Variants in SIGLEC15 observed in about 807,000 individuals in gnomAD.
SIGLEC15 encodes sialic acid binding Ig like lectin 15, also known as sialic acid-binding Ig-like lectin 15.
In SIGLEC15, 31 loss-of-function variants were observed where a neutral mutation model predicts 26.2. The observed-to-expected ratio is 1.18, with a 90% CI of 0.89 to 1.60. SIGLEC15 has a LOEUF of 1.60. Among genes scored for constraint, SIGLEC15 ranks in the 40% most tolerant of loss-of-function variants. The pLI is 0.00. For synonymous variants in SIGLEC15, 207 were observed against 221.9 expected (o/e 0.93, Z 0.60); for missense variants, 501 against 488.4 (o/e 1.03, Z -0.24).
rs554881390 is a variant in SIGLEC15, at chr18:45,840,226, C to T, written c.890C>T (p.Pro297Leu). The T allele has an allele frequency of 6.2e-6, 10 of 1,612,684 alleles. No individual in the cohort carries two copies. Among genetic ancestry groups the T allele is most frequent in the South Asian group, 3.3e-5 (3 of 90,822 alleles). ...CCTCCCACAGAGCATCTGGACACCC[C>T]GGACACCCCACCACGGTAAGTGAGC... is the stretch of plus-strand genomic sequence containing the variant. ...ARRRPEHLDT[P>L]DTPPRSQAQE... Residue 297 changes from proline to leucine, a missense_variant, in exon 5 of 6, where the codon CCG (proline) becomes CTG (leucine). Pro to Leu is a moderately conservative substitution (Grantham distance 98). Transcript: ENST00000389474.
intron 4 of SIGLEC15, among the ~76,000 whole-genome samples, chr18:45,839,616 T>C (rs2048308184): frequency 6.6e-6 from 1 of 152,074 alleles, no homozygotes; most frequent in South Asian, 2.1e-4. Context: ...AAGGTATGCC[T>C]CCCTCTGGTG....
At chr18:45,829,213 A>T in intron 1 of SIGLEC15, 1 of 935,672 alleles carries the variant, frequency 1.1e-6, no homozygotes, top group Non-Finnish European at 1.3e-6. Flanking sequence ...CGCCACAGTC[A>T]GCCTGCGGCA....
intron 3 of SIGLEC15, chr18:45,838,440 G>A (rs1396596852): frequency 5.9e-6 from 3 of 512,770 alleles, no homozygotes; most frequent in South Asian, 2.9e-5. Context: ...CTAGGGAGCC[G>A]GGACCTAGTC....
intron 1 of SIGLEC15, among the ~76,000 whole-genome samples, chr18:45,827,075 C>A (rs1278057100): frequency 6.6e-6 from 1 of 152,162 alleles, no homozygotes; most frequent in Non-Finnish European, 1.5e-5. Context: ...CCACCACGCC[C>A]AGCTAATTTT....
At position 45,840,361 on chromosome 18, in the gene SIGLEC15, C is replaced by T. The variant is rs932436030; in HGVS notation, c.905+120C>T. The T allele has an allele frequency of 5.9e-6, 7 of 1,177,846 alleles. No homozygotes were observed. The African/African-American group carries it at 9.2e-5, about 16-fold the overall frequency. The allele number at this position is 1,177,846 out of a possible 1,614,324, so 73.0% of individuals were successfully genotyped here. A position where few individuals can be genotyped will look rare whatever the true frequency, so the allele number is the denominator to read the frequency against. ...GGCTGGGGCTGGGGTCCTACTTTGA[C>T]CAGGGGCTGGGCCTTCCTTGCAGCC... On this transcript the variant is annotated intron_variant, in intron 5 of 5. Transcript: ENST00000389474.
chr18:45,837,947 T>C, intron 3 of SIGLEC15, 51 bp downstream of exon 3: 1 of 1,428,192 alleles, frequency 7.0e-7, no homozygotes, highest in Non-Finnish European at 9.1e-7. Context: ...CCCTCCCGCC[T>C]GCCCCGCCCC....
At chr18:45,838,047 G>T in intron 3 of SIGLEC15, 151 bp downstream of exon 3, 1 of 1,060,876 alleles carries the variant, frequency 9.4e-7, no homozygotes, top group Non-Finnish European at 1.3e-6. Context: ...TCACACCTGG[G>T]GGTAGTTTAG....
At chr18:45,837,390 A>G in intron 2 of SIGLEC15, 123 bp from the exon 3 acceptor site, 1 of 1,327,318 alleles carries the variant, frequency 7.5e-7, no homozygotes. Flanking sequence ...ACGATCCCTG[A>G]GTCCTGGGGT....
chr18:45,829,963 G>T (rs907354175), intron 1 of SIGLEC15, among the ~76,000 whole-genome samples: 1 of 152,094 alleles, frequency 6.6e-6, no homozygotes, highest in African/African-American at 2.4e-5. Context: ...ATTCCACCAC[G>T]ACTACCACGG....
chr18:45,831,745 T>TTA (rs962689901), intron 1 of SIGLEC15, among the ~76,000 whole-genome samples: 5 of 148,540 alleles, frequency 3.4e-5, no homozygotes, highest in African/African-American at 5.0e-5. Context: ...ACCAACATCT[T>TTA]TTTTTTTTTT....
chr18:45,826,979 A>G (rs1199924028), intron 1 of SIGLEC15, among the ~76,000 whole-genome samples: 1 of 152,138 alleles, frequency 6.6e-6, no homozygotes, highest in Admixed American at 6.5e-5. Context: ...CAGTGGCGCA[A>G]TCTCAGCTCA....
chr18:45,842,453 G>GAGAGAA lies in SIGLEC15; in HGVS notation c.*271_*272insAAGAGA, dbSNP rs2048333826. On this transcript the variant is annotated 3_prime_UTR_variant, in exon 6 of 6. Coordinates refer to ENST00000389474, the MANE Select transcript of SIGLEC15 (RefSeq NM_213602.3). ...TGTGTGTGTGTGTGTGAGAGAGAGA[G>GAGAGAA]AGAGAGAGTACACGCATTAGCTTGA... The GAGAGAA allele has an allele frequency of 6.3e-6, 3 of 479,180 alleles. No homozygotes were observed. The highest frequency in any genetic ancestry group is 3.9e-5 in the African/African-American group (2 of 51,802). The allele number at this position is 479,180 out of a possible 1,614,324, so 29.7% of individuals were successfully genotyped here.
intron 1 of SIGLEC15, among the ~76,000 whole-genome samples, chr18:45,826,793 G>A (rs957043056): frequency 6.6e-6 from 1 of 152,208 alleles, no homozygotes; most frequent in Admixed American, 6.5e-5. Flanking sequence ...TACTCAGACT[G>A]GAGTCCAGCT....
At chr18:45,832,798 G>A (rs148085300) in intron 1 of SIGLEC15, among the ~76,000 whole-genome samples, 26 of 152,292 alleles carry the variant, frequency 1.7e-4, no homozygotes, top group Non-Finnish European at 2.8e-4. Flanking sequence ...AGGATGCTGG[G>A]GAGCTTGTAT....
intron 1 of SIGLEC15, among the ~76,000 whole-genome samples, chr18:45,835,115 A>T (rs2048267050): frequency 6.6e-6 from 1 of 152,202 alleles, no homozygotes; most frequent in African/African-American, 2.4e-5. Context: ...AGCAGGTTGT[A>T]TGAAAAAAAG....
At chr18:45,827,717 G>A (rs1356735791) in intron 1 of SIGLEC15, among the ~76,000 whole-genome samples, 4 of 152,330 alleles carry the variant, frequency 2.6e-5, no homozygotes, top group African/African-American at 9.6e-5. Context: ...GTGGCCGCAC[G>A]ATAAATAATG....
At chr18:45,826,231 T>A (rs898945228) in intron 1 of SIGLEC15, among the ~76,000 whole-genome samples, 3 of 151,482 alleles carry the variant, frequency 2.0e-5, no homozygotes, top group African/African-American at 7.3e-5. Flanking sequence ...GGTGATTTCA[T>A]GTGGGGGATA....
Position 45,825,830 on chromosome 18 carries a change from T to C in SIGLEC15, c.52+50T>C, listed in dbSNP as rs779486475. The stretch of plus-strand genomic sequence containing the variant: ...CCCATGCTCGGGACAGAATAGATGC[T>C]GAAAGCATCTTAGGTACAGTCTCCC... On this transcript the variant is annotated intron_variant, in intron 1 of 5. Transcript: ENST00000389474. 4 of 1,605,248 alleles carry C rather than the reference T, an allele frequency of 2.5e-6. No individual in the cohort carries two copies. In the African/African-American group the frequency reaches 5.4e-5, roughly 21 times the overall value.
chr18:45,839,026 G>T lies in SIGLEC15; in HGVS notation c.805G>T (p.Gly269Cys), dbSNP rs775631888. 3.8e-6 allele frequency: 6 copies of T among 1,575,578 alleles called. No homozygotes were observed. In the Admixed American group the frequency reaches 8.8e-5, roughly 23 times the overall value. Residue 269 changes from glycine (G) to cysteine (C), a missense_variant, in exon 4 of 6, where the codon GGC becomes TGC. By Grantham distance (159) the Gly-to-Cys change is radical. Coordinates refer to ENST00000389474, the MANE Select transcript of SIGLEC15 (RefSeq NM_213602.3). Reference protein sequence around the residue: ...SGASTVALLLGALGFKALLLL... With the variant: ...SGASTVALLLCALGFKALLLL... ...GGCCTCGACGGTCGCCCTCCTGCTCGGCGCTCTCGGCTTCAAGGCGCTGCT... is the reference window on the plus strand; with the variant it reads ...GGCCTCGACGGTCGCCCTCCTGCTCTGCGCTCTCGGCTTCAAGGCGCTGCT...
Sources: gnomAD v4.1 joint callset for allele counts (sites outside exome capture counted in the v4.1 genomes callset) on GRCh38, gnomAD v4.1.1 for gene constraint, MANE v1.5 for transcripts, NCBI Gene and HGNC (gene_info 2026-07-23, HGNC 2026-07-21) for gene names.